Variants in SCAMP4 observed in about 807,000 individuals in gnomAD.
SCAMP4 encodes secretory carrier membrane protein 4, also known as secretory carrier-associated membrane protein 4.
Under a neutral mutation model 32.1 loss-of-function variants are expected in SCAMP4, and 19 were observed. The observed-to-expected ratio is 0.59, with a 90% CI of 0.41 to 0.87. The LOEUF is 0.87. Among genes scored for constraint, SCAMP4 ranks in the 40% least tolerant of loss-of-function variants. The pLI, the probability that SCAMP4 is intolerant of heterozygous loss-of-function variation, is 0.00. For synonymous variants in SCAMP4, 152 were observed against 132.7 expected (o/e 1.15, Z -1.00); for missense variants, 302 against 309.0 (o/e 0.98, Z 0.17).
intron 2 of SCAMP4, chr19:1,915,543 C>G (rs1001315535): frequency 1.8e-5 from 3 of 170,080 alleles, no homozygotes; most frequent in Non-Finnish European, 3.9e-5. Flanking sequence ...TCCCTGGAAC[C>G]TGTGAGTGGG....
At chr19:1,911,979 C>G in intron 1 of SCAMP4, 1 of 1,409,428 alleles carries the variant, frequency 7.1e-7, no homozygotes, top group Non-Finnish European at 9.2e-7. Context: ...GCAGCACGCC[C>G]TGCCTTGTGG....
chr19:1,923,657 C>T (rs921115717), intron 6 of SCAMP4, among the ~76,000 whole-genome samples: 4 of 122,016 alleles, frequency 3.3e-5, no homozygotes, highest in African/African-American at 6.3e-5. Context: ...CTCGCTCTGT[C>T]ACCCAGGCTG....
At chr19:1,923,903 GC>G (rs1394238395) in intron 6 of SCAMP4, among the ~76,000 whole-genome samples, 5 of 111,878 alleles carry the variant, frequency 4.5e-5, no homozygotes, top group Non-Finnish European at 1.2e-4. Flanking sequence ...GGGATGACAG[GC>G]GTGAGCCACC....
At chr19:1,918,003 T>A in intron 3 of SCAMP4, 124 bp from the exon 4 acceptor site, 1 of 1,389,204 alleles carries the variant, frequency 7.2e-7, no homozygotes, top group Non-Finnish European at 9.8e-7. Context: ...CTTGCACAGT[T>A]CATCCTCGAC....
At chr19:1,912,116 C>T (rs758850357) in intron 1 of SCAMP4, 2 of 1,533,680 alleles carry the variant, frequency 1.3e-6, no homozygotes, top group South Asian at 2.4e-5. Flanking sequence ...CCCCGGGCCT[C>T]GTGGAGCAGC....
In SCAMP4 at chr19:1,917,645, C is replaced by T. The variant is rs764055439; in HGVS notation, c.8-49C>T. On this transcript the variant is annotated intron_variant, in intron 2 of 6. Transcript: ENST00000316097. ...GGTCGAAGGGATGAGGTGGGGCCTCCTTCAAGAGACAAAGTCTGGTTCTGT... is the reference window on the plus strand; with the variant it reads ...GGTCGAAGGGATGAGGTGGGGCCTCTTTCAAGAGACAAAGTCTGGTTCTGT... The T allele has an allele frequency of 1.9e-5, 30 of 1,611,446 alleles. 1 individual carries two copies. In the African/African-American group the frequency reaches 3.7e-4, roughly 20 times the overall value.
chr19:1,909,922 GTC>G (rs1362545734), intron 1 of SCAMP4, among the ~76,000 whole-genome samples: 3 of 152,250 alleles, frequency 2.0e-5, no homozygotes, highest in African/African-American at 7.2e-5. Flanking sequence ...GTCTTCTGAG[GTC>G]TCTCTTTTCC....
chr19:1,916,134 GA>G (rs2013725363), intron 2 of SCAMP4, among the ~76,000 whole-genome samples: 1 of 151,650 alleles, frequency 6.6e-6, no homozygotes, highest in African/African-American at 2.4e-5. Context: ...AGCTACTTGG[GA>G]GGCTGAGGCA....
chr19:1,911,999 C>T (rs1167576439), intron 1 of SCAMP4: 13 of 1,414,306 alleles, frequency 9.2e-6, no homozygotes, highest in Admixed American at 3.0e-5. Flanking sequence ...GAGCCACGGC[C>T]TCCCGGGACG....
intron 1 of SCAMP4, chr19:1,912,881 A>G (rs2013556867): frequency 6.2e-7 from 1 of 1,604,576 alleles, no homozygotes; most frequent in Non-Finnish European, 8.5e-7. Context: ...CCGTCCGCGC[A>G]GGCGCCGTGC....
intron 2 of SCAMP4, 117 bp from the exon 3 acceptor site, chr19:1,917,577 C>A (rs565075683): frequency 1.7e-6 from 2 of 1,154,856 alleles, no homozygotes; most frequent in African/African-American, 1.5e-5. Context: ...CCCTCAATCC[C>A]AACTGCAGAG....
chr19:1,908,778 T>G lies in SCAMP4; in HGVS notation c.-42+3339T>G. On this transcript the variant is annotated intron_variant, in intron 1 of 6. Coordinates refer to ENST00000316097, the MANE Select transcript of SCAMP4 (RefSeq NM_079834.4). This position sits in a 1 kb window ranked among gnomAD's most constrained non-coding sequence, Gnocchi z 4.2. ...TCTCCTGAGTAGCTGGGACTACATG[T>G]GCACACCACCGTGCCCAACTAATTT... The G allele has an allele frequency of 5.7e-6, 2 of 352,570 alleles. No individual in the cohort carries two copies. The highest frequency in any genetic ancestry group is 1.1e-5 in the Non-Finnish European group (2 of 180,066). 21.8% of individuals were successfully genotyped at this position (352,570 alleles called of 1,614,324 possible). A position where few individuals can be genotyped will look rare whatever the true frequency, so the allele number is the denominator to read the frequency against.
At chr19:1,916,270 G>T (rs79291040) in intron 2 of SCAMP4, among the ~76,000 whole-genome samples, 2,712 of 152,130 alleles carry the variant, frequency 0.018, 79 homozygotes, top group African/African-American at 0.062. Context: ...GATACAGGAG[G>T]AGTCGTCGTG....
chr19:1,924,292 C>G lies in SCAMP4; in HGVS notation c.*8C>G. On this transcript the variant is annotated 3_prime_UTR_variant, in exon 7 of 7. Coordinates refer to ENST00000316097, the MANE Select transcript of SCAMP4 (RefSeq NM_079834.4). ...AGTGGCCAGTGGCCTTAGAGGGAGC[C>G]TGCCCTGCCCCCACCGCCCACCACC... 1 of 1,578,812 alleles carries G rather than the reference C, an allele frequency of 6.3e-7. No homozygotes were observed. The highest frequency in any genetic ancestry group is 8.6e-7 in the Non-Finnish European group (1 of 1,163,674).
chr19:1,920,677 C>T (rs1348891175), intron 5 of SCAMP4: 8 of 985,376 alleles, frequency 8.1e-6, no homozygotes, highest in South Asian at 9.4e-5. Flanking sequence ...AGGCACTGCT[C>T]GTCATCCTCC....
intron 2 of SCAMP4, among the ~76,000 whole-genome samples, chr19:1,916,178 T>C (rs1454812902): frequency 7.2e-6 from 1 of 139,556 alleles, no homozygotes; most frequent in Non-Finnish European, 1.5e-5. Flanking sequence ...GGCGGAGTTG[T>C]GGTGAGCCGA....
intron 5 of SCAMP4, chr19:1,919,453 G>C: frequency 1.0e-6 from 1 of 979,366 alleles, no homozygotes; most frequent in Non-Finnish European, 1.2e-6. Flanking sequence ...GTGCCCAGAA[G>C]TGTTTGTGTT....
In SCAMP4 at chr19:1,925,564, CTT is replaced by C. The variant is rs1292573712; in HGVS notation, c.*1283_*1284del. ...TCACAACGGTTGGGCCAAAAAGAAACTTTTCCTTCATCATTTCCTGCACTCGC... is the reference window on the plus strand; with the variant it reads ...TCACAACGGTTGGGCCAAAAAGAAACTTCCTTCATCATTTCCTGCACTCGC... On this transcript the variant is annotated 3_prime_UTR_variant, in exon 7 of 7. Coordinates refer to ENST00000316097, the MANE Select transcript of SCAMP4 (RefSeq NM_079834.4). 1.3e-5 allele frequency: 2 copies of C among 153,106 alleles called. No homozygotes were observed. The highest frequency in any genetic ancestry group is 2.9e-5 in the Non-Finnish European group (2 of 68,220). 9.5% of individuals were successfully genotyped at this position (153,106 alleles called of 1,614,324 possible).
Position 1,919,229 on chromosome 19 carries a change from C to T in SCAMP4, c.395+239C>T, listed in dbSNP as rs141501873. The T allele has an allele frequency of 4.9e-4, 672 of 1,376,078 alleles. 11 individuals are homozygous for T. The East Asian group carries it at 0.017, about 35-fold the overall frequency. The allele number at this position is 1,376,078 out of a possible 1,614,324, so 85.2% of individuals were successfully genotyped here. On this transcript the variant is annotated intron_variant, in intron 5 of 6. Transcript: ENST00000316097. ...TCTCCTAGGGAGGGGTCCGAGCTCG[C>T]CCTGGCAGTGCCTGCGTCCTCGCCA...
Sources: allele counts gnomAD v4.1 joint callset (sites outside exome capture counted in the v4.1 genomes callset), GRCh38; gene constraint gnomAD v4.1.1; non-coding constraint Gnocchi (gnomAD v3.1); transcripts MANE v1.5; gene names NCBI Gene and HGNC (gene_info 2026-07-23, HGNC 2026-07-21).